TMEM132B: variants seen among roughly 807,000 people sequenced by gnomAD.
The protein encoded by TMEM132B is transmembrane protein 132B.
TMEM132B carries 18 observed loss-of-function variants against 90.8 expected under a neutral mutation model. The observed-to-expected ratio is 0.20, with a 90% confidence interval of 0.14 to 0.29. TMEM132B has a LOEUF of 0.29. Among genes scored for constraint, TMEM132B ranks in the 10% least tolerant of loss-of-function variants. The probability of loss-of-function intolerance (pLI) is 1.00; values close to 1 mark genes in which losing one functional copy is unlikely to be tolerated. For synonymous variants in TMEM132B, 504 were observed against 523.3 expected (o/e 0.96, Z 0.50); for missense variants, 1,096 against 1,326.8 (o/e 0.83, Z 2.70).
At chr12:125,455,837 C>T (rs147314314) in intron 3 of TMEM132B, among the ~76,000 whole-genome samples, 3 of 152,238 alleles carry the variant, frequency 2.0e-5, no homozygotes, top group Non-Finnish European at 4.4e-5. Flanking sequence ...TATGCCACAG[C>T]GTTTACTTAC....
At chr12:125,622,437 A>G in intron 5 of TMEM132B, 2 of 984,938 alleles carry the variant, frequency 2.0e-6, no homozygotes, top group Non-Finnish European at 2.4e-6. Context: ...GAGGCCACAC[A>G]GAAGTAGAAC....
chr12:125,435,532 C>T (rs1012976188), intron 3 of TMEM132B, among the ~76,000 whole-genome samples: 1 of 152,154 alleles, frequency 6.6e-6, no homozygotes, highest in African/African-American at 2.4e-5. Context: ...TCCTTCAGCG[C>T]GTATTACAGA....
chr12:125,349,977 G>T lies in TMEM132B; in HGVS notation c.593G>T (p.Trp198Leu). 6.2e-7 allele frequency: 1 copy of T among 1,614,186 alleles called. No individual in the cohort carries two copies. Among genetic ancestry groups the T allele is most frequent in the Non-Finnish European group, 8.5e-7 (1 of 1,180,032 alleles). The change falls in exon 2 of 9, where the codon TGG becomes TTG. Residue 198 changes from tryptophan to leucine, a missense_variant. Physicochemically the swap from Trp to Leu is moderately conservative, Grantham distance 61 (BLOSUM62 -2). Coordinates refer to ENST00000682704, the MANE Select transcript of TMEM132B (RefSeq NM_001366854.1). The surrounding 1 kb of genome is among the most constrained non-coding windows in gnomAD (Gnocchi z 4.1). ...GCTGAGCTGGAGCTGCTGCCCGAGT[G>T]GTTCAGCTCAGGCCTGGACCTGGAA... ...CVAELELLPE[W>L]FSSGLDLEPE...
At chr12:125,640,353 T>G (rs1886597791) in intron 5 of TMEM132B, among the ~76,000 whole-genome samples, 1 of 152,092 alleles carries the variant, frequency 6.6e-6, no homozygotes, top group Non-Finnish European at 1.5e-5. Context: ...CGGGCAGAGG[T>G]GCTGGTGCAT....
intron 4 of TMEM132B, among the ~76,000 whole-genome samples, chr12:125,570,021 A>G (rs532259115): frequency 1.1e-4 from 16 of 151,744 alleles, no homozygotes; most frequent in African/African-American, 3.9e-4. Context: ...GTTGGGGGGG[A>G]AGGGAAGGAA....
chr12:125,651,202 C>A (rs767993229), intron 7 of TMEM132B, among the ~76,000 whole-genome samples: 1 of 152,098 alleles, frequency 6.6e-6, no homozygotes, highest in Non-Finnish European at 1.5e-5. Flanking sequence ...ATATCTAATC[C>A]CTTTTACCAA....
intron 2 of TMEM132B, among the ~76,000 whole-genome samples, chr12:125,390,502 T>C (rs972032431): frequency 4.6e-5 from 7 of 152,228 alleles, no homozygotes; most frequent in Non-Finnish European, 8.8e-5. Context: ...GAGGTGAAGC[T>C]GAGTTCTCCA....
chr12:125,358,037 G>A lies in TMEM132B; in HGVS notation c.959+7694G>A, dbSNP rs545575269. On this transcript the variant is annotated intron_variant, in intron 2 of 8. Transcript: ENST00000682704. Reference sequence around the variant, plus strand: ...TGGTCTTTGATTGTACAAGTGTTTTGTGGTCGCCTATTATATGTGGCATAT... The same window carrying A: ...TGGTCTTTGATTGTACAAGTGTTTTATGGTCGCCTATTATATGTGGCATAT... Among the ~76,000 whole-genome samples, 4 of 152,258 alleles carry A rather than the reference G, an allele frequency of 2.6e-5. No homozygotes were observed. In the South Asian group the frequency reaches 8.3e-4, roughly 32 times the overall value.
chr12:125,340,358 A>C (rs139940047), intron 1 of TMEM132B, among the ~76,000 whole-genome samples: 108 of 152,266 alleles, frequency 7.1e-4, no homozygotes, highest in African/African-American at 2.4e-3. Context: ...ACTTTATCAG[A>C]TTCTCACTTC....
chr12:125,283,239 A>G (rs540870618), intron 1 of TMEM132B, among the ~76,000 whole-genome samples: 1 of 152,306 alleles, frequency 6.6e-6, no homozygotes, highest in African/African-American at 2.4e-5. Context: ...CTGGATTCGT[A>G]CATATTAGGT....
intron 5 of TMEM132B, among the ~76,000 whole-genome samples, chr12:125,603,437 T>C (rs1885616272): frequency 6.6e-6 from 1 of 152,116 alleles, no homozygotes. Context: ...TTACACCTTA[T>C]ACAAAAATTA....
chr12:125,459,876 G>A lies in TMEM132B; in HGVS notation c.1106+44199G>A, dbSNP rs1448778983. ...TTTCACGGTAGTGGATAAGTCTCAT[G>A]AGATCTGATGATTTTATAAGGGGTT... is the stretch of plus-strand genomic sequence containing the variant. On this transcript the variant is annotated intron_variant, in intron 3 of 8. Coordinates refer to ENST00000682704, the MANE Select transcript of TMEM132B (RefSeq NM_001366854.1). This position sits in a 1 kb window ranked among gnomAD's most constrained non-coding sequence, Gnocchi z 4.1. Among the ~76,000 whole-genome samples, 1 of 152,160 alleles carries A rather than the reference G, an allele frequency of 6.6e-6. No individual in the cohort carries two copies. Among genetic ancestry groups the A allele is most frequent in the Non-Finnish European group, 1.5e-5 (1 of 68,020 alleles).
At chr12:125,440,862 C>T (rs1447354855) in intron 3 of TMEM132B, among the ~76,000 whole-genome samples, 2 of 152,192 alleles carry the variant, frequency 1.3e-5, no homozygotes, top group African/African-American at 4.8e-5. Flanking sequence ...TGAATGGGCA[C>T]AACTGCTAGA....
chr12:125,652,069 G>A (rs964600575), intron 7 of TMEM132B, among the ~76,000 whole-genome samples: 1 of 152,198 alleles, frequency 6.6e-6, no homozygotes, highest in African/African-American at 2.4e-5. Flanking sequence ...AATACAGGAT[G>A]CCTGCCCTGT....
chr12:125,282,037 A>G (rs1485172306), intron 1 of TMEM132B, among the ~76,000 whole-genome samples: 1 of 64,094 alleles, frequency 1.6e-5, no homozygotes, highest in East Asian at 3.7e-4. Flanking sequence ...CAAAAAAAAA[A>G]AAAAAAAAAA....
intron 3 of TMEM132B, among the ~76,000 whole-genome samples, chr12:125,515,705 AACACATTCACACGTTCTCAC>A (rs1042746046): frequency 6.6e-6 from 1 of 151,194 alleles, no homozygotes; most frequent in African/African-American, 2.4e-5. Flanking sequence ...ACACTCACAC[AACACATTCACACGTTCTCAC>A]ACACATTCAC....
intron 1 of TMEM132B, among the ~76,000 whole-genome samples, chr12:125,187,680 T>A (rs1440468471): frequency 6.6e-6 from 1 of 152,174 alleles, no homozygotes; most frequent in Non-Finnish European, 1.5e-5. Flanking sequence ...GTATTGTCTG[T>A]CTTCGCTGGA....
chr12:125,342,432 G>T lies in TMEM132B; in HGVS notation c.68-7020G>T, dbSNP rs186062799. ...GGGATGTGTCAGTTATTACATTATAGGCTCTAAGTTTTAAACTTGCTCTTC... is the reference window on the plus strand; with the variant it reads ...GGGATGTGTCAGTTATTACATTATATGCTCTAAGTTTTAAACTTGCTCTTC... On this transcript the variant is annotated intron_variant, in intron 1 of 8. Transcript: ENST00000682704. Among the ~76,000 whole-genome samples the T allele has an allele frequency of 1.4e-3, 211 of 152,262 alleles. 1 individual carries two copies. The highest frequency in any genetic ancestry group is 3.1e-3 in the East Asian group (16 of 5,190).
Position 125,441,909 on chromosome 12 carries a change from G to A in TMEM132B, c.1106+26232G>A, listed in dbSNP as rs150943821. On this transcript the variant is annotated intron_variant, in intron 3 of 8. Coordinates refer to ENST00000682704, the MANE Select transcript of TMEM132B (RefSeq NM_001366854.1). ...TTCTTTTTGATGGTTTCTTCCCTCA[G>A]CAGATATGCTCCCTAAAGACTTAAA... Among the ~76,000 whole-genome samples, 672 of 152,352 alleles carry A rather than the reference G, an allele frequency of 4.4e-3. 7 individuals are homozygous for A. Among genetic ancestry groups the A allele is most frequent in the African/African-American group, 0.015 (610 of 41,578 alleles).
Sources: allele counts gnomAD v4.1 joint callset (sites outside exome capture counted in the v4.1 genomes callset), GRCh38; gene constraint gnomAD v4.1.1; non-coding constraint Gnocchi (gnomAD v3.1); transcripts MANE v1.5; gene names NCBI Gene and HGNC (gene_info 2026-07-23, HGNC 2026-07-21).